Variants in GABRB3 observed in about 807,000 individuals in gnomAD.
GABRB3 encodes gamma-aminobutyric acid type A receptor subunit beta3, also known as gamma-aminobutyric acid receptor subunit beta-3.
In GABRB3, 14 loss-of-function variants were observed where a neutral mutation model predicts 52.1. That is an observed-to-expected ratio of 0.27 (90% CI 0.18 to 0.42). The LOEUF (loss-of-function observed/expected upper bound fraction) is 0.42. Among genes scored for constraint, GABRB3 ranks in the 10% least tolerant of loss-of-function variants. GABRB3 has a pLI of 1.00. For missense variants in GABRB3, 307 were observed against 609.1 expected, an observed-to-expected ratio of 0.50 and a Z score of 5.22; for synonymous variants, 260 against 232.3, an observed-to-expected ratio of 1.12 and a Z score of -1.08.
At chr15:26,598,465 A>G (rs913080882) in intron 4 of GABRB3, among the ~76,000 whole-genome samples, 3 of 152,124 alleles carry the variant, frequency 2.0e-5, no homozygotes, top group Admixed American at 1.3e-4. Flanking sequence ...ACAGACCGGA[A>G]CATCCTTTTG....
At chr15:26,769,094 G>A (rs1891074122) in intron 3 of GABRB3, among the ~76,000 whole-genome samples, 1 of 152,116 alleles carries the variant, frequency 6.6e-6, no homozygotes, top group African/African-American at 2.4e-5. Context: ...ATTGTTTAAA[G>A]CAAAAAGCAA....
At chr15:26,758,781 GA>G (rs145567279) in intron 3 of GABRB3, among the ~76,000 whole-genome samples, 20,078 of 149,852 alleles carry the variant, frequency 0.13, 1,627 homozygotes, top group South Asian at 0.19. Flanking sequence ...AAGAAAAAAA[GA>G]AAAAAAAACA....
intron 3 of GABRB3, chr15:26,624,713 C>G: frequency 1.0e-6 from 1 of 984,508 alleles, no homozygotes; most frequent in Non-Finnish European, 1.2e-6. Flanking sequence ...CAAGGACTAT[C>G]ACATCAGTGG....
chr15:26,757,363 C>T (rs944588206), intron 3 of GABRB3, among the ~76,000 whole-genome samples: 29 of 152,112 alleles, frequency 1.9e-4, no homozygotes, highest in Admixed American at 1.7e-3. Flanking sequence ...CCTTGCCTGG[C>T]GCGCTCCATT....
At chr15:26,551,257 G>C (rs112597465) in intron 8 of GABRB3, among the ~76,000 whole-genome samples, 9 of 152,202 alleles carry the variant, frequency 5.9e-5, no homozygotes, top group African/African-American at 9.6e-5. Context: ...TAGGTAGAAA[G>C]TCATAGACTT....
intron 4 of GABRB3, among the ~76,000 whole-genome samples, chr15:26,608,595 C>A (rs1007721442): frequency 2.1e-5 from 3 of 141,800 alleles, no homozygotes; most frequent in Non-Finnish European, 4.8e-5. Context: ...AACAACTCAA[C>A]AGCAAGAAAA....
chr15:26,768,438 C>A (rs1460484157), intron 3 of GABRB3, among the ~76,000 whole-genome samples: 1 of 152,118 alleles, frequency 6.6e-6, no homozygotes, highest in African/African-American at 2.4e-5. Context: ...TTTTAAAACT[C>A]ATATTTTAAA....
chr15:26,649,894 C>T (rs1364230119), intron 3 of GABRB3, among the ~76,000 whole-genome samples: 1 of 152,128 alleles, frequency 6.6e-6, no homozygotes, highest in Non-Finnish European at 1.5e-5. Flanking sequence ...ATTTCCGAAT[C>T]TCCTACAAAG....
chr15:26,636,549 G>A (rs1893067039), intron 3 of GABRB3, among the ~76,000 whole-genome samples: 1 of 152,024 alleles, frequency 6.6e-6, no homozygotes, highest in Non-Finnish European at 1.5e-5. Context: ...TTCTCTATCT[G>A]CACTCCCTCC....
intron 3 of GABRB3, among the ~76,000 whole-genome samples, chr15:26,766,141 C>T (rs1890990237): frequency 1.3e-5 from 2 of 152,348 alleles, no homozygotes; most frequent in South Asian, 4.1e-4. Context: ...CCCTAGGTCA[C>T]ACCTCATTAT....
At chr15:26,617,679 A>C (rs61998693) in intron 4 of GABRB3, among the ~76,000 whole-genome samples, 50,956 of 149,782 alleles carry the variant, frequency 0.34, 9,058 homozygotes, top group Middle Eastern at 0.46. Flanking sequence ...ATTAGGCAGG[A>C]GAAGGAAATA....
intron 3 of GABRB3, chr15:26,624,396 G>A: frequency 1.0e-6 from 1 of 985,500 alleles, no homozygotes; most frequent in Non-Finnish European, 1.2e-6. Context: ...TTACGCCTGA[G>A]TCGCGATGTC....
At chr15:26,642,157 C>T (rs1297217886) in intron 3 of GABRB3, among the ~76,000 whole-genome samples, 2 of 152,198 alleles carry the variant, frequency 1.3e-5, no homozygotes, top group African/African-American at 4.8e-5. Context: ...TCTCCCAAAG[C>T]ACTGGCATAA....
intron 3 of GABRB3, among the ~76,000 whole-genome samples, chr15:26,718,980 G>T (rs74004652): frequency 0.03 from 4,508 of 152,336 alleles, 247 homozygotes; most frequent in African/African-American, 0.1. Context: ...CTGCTGCAAT[G>T]CTTCCTCCAC....
chr15:26,607,750 A>G (rs1325677648), intron 4 of GABRB3, among the ~76,000 whole-genome samples: 2 of 152,122 alleles, frequency 1.3e-5, no homozygotes, highest in Non-Finnish European at 2.9e-5. Flanking sequence ...AATAAAATAA[A>G]ATACTTAGGA....
chr15:26,602,901 G>C (rs1378713531), intron 4 of GABRB3, among the ~76,000 whole-genome samples: 1 of 151,720 alleles, frequency 6.6e-6, no homozygotes, highest in African/African-American at 2.4e-5. Flanking sequence ...TAGAAGAAAA[G>C]AAATAATAAA....
chr15:26,558,893 A>G (rs1405964072), intron 8 of GABRB3, among the ~76,000 whole-genome samples: 1 of 152,130 alleles, frequency 6.6e-6, no homozygotes, highest in Non-Finnish European at 1.5e-5. Flanking sequence ...ATTTATAAAG[A>G]AAGAGGTTTA....
chr15:26,720,330 G>A (rs1317353666), intron 3 of GABRB3, among the ~76,000 whole-genome samples: 2 of 152,126 alleles, frequency 1.3e-5, no homozygotes, highest in East Asian at 1.9e-4. Flanking sequence ...TCACACGGAC[G>A]TGAGTGAAAC....
intron 7 of GABRB3, 111 bp downstream of exon 7, chr15:26,567,470 C>T (rs1890221674): frequency 4.0e-6 from 4 of 1,001,228 alleles, no homozygotes; most frequent in African/African-American, 1.6e-5. Context: ...ACAGGCAATG[C>T]TTGTGTCACG....
Sources: allele counts gnomAD v4.1 joint callset (sites outside exome capture counted in the v4.1 genomes callset), GRCh38; gene constraint gnomAD v4.1.1; transcripts MANE v1.5; gene names NCBI Gene and HGNC (gene_info 2026-07-23, HGNC 2026-07-21).